Variants in GRM7 observed in about 807,000 individuals in gnomAD.
GRM7 encodes metabotropic glutamate receptor 7.
GRM7 carries 35 observed loss-of-function variants against 84.5 expected under a neutral mutation model. The observed-to-expected ratio is 0.41, with a 90% CI of 0.32 to 0.55. The LOEUF (loss-of-function observed/expected upper bound fraction) is 0.55, where lower values mean the gene tolerates loss of function less well. Among genes scored for constraint, GRM7 ranks in the 20% least tolerant of loss-of-function variants. The pLI is 0.19. For synonymous variants in GRM7, 487 were observed against 455.1 expected, an observed-to-expected ratio of 1.07 and a Z score of -0.89; for missense variants, 1,003 against 1,194.6, an observed-to-expected ratio of 0.84 and a Z score of 2.36.
intron 7 of GRM7, among the ~76,000 whole-genome samples, chr3:7,563,173 AAAG>A (rs1694102496): frequency 2.6e-5 from 4 of 152,248 alleles, no homozygotes; most frequent in South Asian, 2.1e-4. Context: ...GCTGGTTAGA[AAAG>A]AAGATTTAGT....
intron 7 of GRM7, among the ~76,000 whole-genome samples, chr3:7,469,008 G>A (rs1698579920): frequency 6.6e-6 from 1 of 152,156 alleles, no homozygotes; most frequent in African/African-American, 2.4e-5. Flanking sequence ...TCAATTACTA[G>A]CATTTAGCTG....
intron 4 of GRM7, among the ~76,000 whole-genome samples, chr3:7,379,276 T>C (rs527342714): frequency 6.6e-6 from 1 of 152,234 alleles, no homozygotes; most frequent in Non-Finnish European, 1.5e-5. Context: ...GGTTTCACCA[T>C]GTTGCCCAGG....
intron 2 of GRM7, among the ~76,000 whole-genome samples, chr3:7,208,367 G>A (rs1288931196): frequency 1.3e-5 from 2 of 152,138 alleles, no homozygotes; most frequent in Non-Finnish European, 2.9e-5. Context: ...AGATGGTCTG[G>A]AGCTACAGTT....
chr3:7,667,369 G>A lies in GRM7; in HGVS notation c.2452-12680G>A, dbSNP rs923707144. Among the ~76,000 whole-genome samples, 4 of 152,128 alleles carry A rather than the reference G, an allele frequency of 2.6e-5. 1 individual carries two copies. ...GGCACTTCTGCAGGCACTCGGATGG[G>A]TGGGCCTGACATCCCTATAGACATT... On this transcript the variant is annotated intron_variant, in intron 8 of 9. Coordinates refer to ENST00000357716, the MANE Select transcript of GRM7 (RefSeq NM_000844.4).
intron 9 of GRM7, among the ~76,000 whole-genome samples, chr3:7,689,142 C>T (rs1472284251): frequency 1.3e-5 from 2 of 152,084 alleles, no homozygotes; most frequent in East Asian, 3.9e-4. Flanking sequence ...TTTTCACACC[C>T]TAGGATGGTA....
intron 1 of GRM7, among the ~76,000 whole-genome samples, chr3:7,133,720 G>A (rs929203315): frequency 1.3e-5 from 2 of 152,102 alleles, no homozygotes; most frequent in African/African-American, 4.8e-5. Context: ...ACTCTGTTTA[G>A]TTTTTGTCTC....
At chr3:7,432,245 C>T (rs73810648) in intron 5 of GRM7, among the ~76,000 whole-genome samples, 185 of 152,270 alleles carry the variant, frequency 1.2e-3, no homozygotes, top group African/African-American at 4.3e-3. Context: ...GCTGATAAAA[C>T]GCAAAGAAAA....
intron 2 of GRM7, among the ~76,000 whole-genome samples, chr3:7,172,550 G>T (rs998470798): frequency 1.5e-5 from 1 of 65,816 alleles, no homozygotes; most frequent in East Asian, 4.2e-4. Context: ...CTTCCCCCCC[G>T]CCCCCCCCAC....
intron 2 of GRM7, among the ~76,000 whole-genome samples, chr3:7,276,201 A>ATGTGTGTGTG (rs761570108): frequency 4.5e-5 from 6 of 134,132 alleles, no homozygotes; most frequent in Non-Finnish European, 8.1e-5. Context: ...TTATATATAT[A>ATGTGTGTGTG]TATATATGTG....
intron 2 of GRM7, among the ~76,000 whole-genome samples, chr3:7,281,693 T>C (rs1290558835): frequency 6.6e-6 from 1 of 152,150 alleles, no homozygotes; most frequent in African/African-American, 2.4e-5. Flanking sequence ...TCATGCTCAA[T>C]ATAAACATCA....
intron 2 of GRM7, among the ~76,000 whole-genome samples, chr3:7,236,288 G>A (rs1386076420): frequency 6.6e-6 from 1 of 152,154 alleles, no homozygotes; most frequent in African/African-American, 2.4e-5. Context: ...TGGTGCCTAA[G>A]GTGTGCCAAA....
chr3:7,008,933 G>A (rs1695275462), intron 1 of GRM7, among the ~76,000 whole-genome samples: 2 of 152,100 alleles, frequency 1.3e-5, no homozygotes, highest in South Asian at 4.1e-4. Flanking sequence ...AAAATGGCAG[G>A]TGATAATGAC....
intron 1 of GRM7, among the ~76,000 whole-genome samples, chr3:7,059,171 A>G (rs753660641): frequency 6.6e-6 from 1 of 151,822 alleles, no homozygotes; most frequent in African/African-American, 2.4e-5. Context: ...TTTTACATAT[A>G]TATATATGTA....
At chr3:7,088,135 A>G (rs2875217) in intron 1 of GRM7, among the ~76,000 whole-genome samples, 11,501 of 152,232 alleles carry the variant, frequency 0.076, 547 homozygotes, top group African/African-American at 0.14. Context: ...CGGATGATCC[A>G]TAGGAGTTGT....
chr3:7,509,326 T>C (rs1324084310), intron 7 of GRM7, among the ~76,000 whole-genome samples: 1 of 152,170 alleles, frequency 6.6e-6, no homozygotes, highest in African/African-American at 2.4e-5. Context: ...ACCTAATTTA[T>C]AAATTAAACT....
chr3:7,621,591 C>T (rs948439185), intron 8 of GRM7, among the ~76,000 whole-genome samples: 1 of 152,068 alleles, frequency 6.6e-6, no homozygotes, highest in Non-Finnish European at 1.5e-5. Flanking sequence ...TATCCAGTTA[C>T]AGAACCACTT....
chr3:7,667,418 T>A (rs1699748723), intron 8 of GRM7, among the ~76,000 whole-genome samples: 1 of 152,098 alleles, frequency 6.6e-6, no homozygotes, highest in Non-Finnish European at 1.5e-5. Flanking sequence ...TGTAGGAGAC[T>A]TCGGTATTTT....
At position 7,486,492 on chromosome 3, in the gene GRM7, C is replaced by T. The variant is rs915691527; in HGVS notation, c.1515+24770C>T. 6.6e-6 allele frequency among the ~76,000 whole-genome samples: 1 copy of T among 152,086 alleles called. No homozygotes were observed. Among genetic ancestry groups the T allele is most frequent in the African/African-American group, 2.4e-5 (1 of 41,404 alleles). The stretch of plus-strand genomic sequence containing the variant: ...TCCTTTATGAAGGGATTAATGCAGT[C>T]ACTGGGAGAGTGAGTGAGTTTTTGC... On this transcript the variant is annotated intron_variant, in intron 7 of 9. Transcript: ENST00000357716. The surrounding 1 kb of genome is among the most constrained non-coding windows in gnomAD (Gnocchi z 5.5).
chr3:7,355,269 G>A (rs2125096678), intron 4 of GRM7, among the ~76,000 whole-genome samples: 2 of 152,252 alleles, frequency 1.3e-5, no homozygotes, highest in South Asian at 4.1e-4. Context: ...TTTTGGAGGA[G>A]ACACATTGCT....
Sources: allele counts gnomAD v4.1 joint callset (sites outside exome capture counted in the v4.1 genomes callset), GRCh38; gene constraint gnomAD v4.1.1; non-coding constraint Gnocchi (gnomAD v3.1); transcripts MANE v1.5; gene names NCBI Gene and HGNC (gene_info 2026-07-23, HGNC 2026-07-21).